Variants in PWWP2A observed in about 807,000 individuals in gnomAD.
PWWP2A encodes the protein PWWP domain-containing protein 2A.
A neutral mutation model predicts 48.5 loss-of-function variants in PWWP2A; 18 were observed. The ratio of observed to expected loss-of-function variants is 0.37; its 90% confidence interval spans 0.26 to 0.55. The LOEUF is 0.55. Ranked by LOEUF, PWWP2A falls within the 20% of genes least tolerant of loss-of-function variation. The pLI, the probability that PWWP2A is intolerant of heterozygous loss-of-function variation, is 0.81. For synonymous variants in PWWP2A, 396 were observed against 387.7 expected, an observed-to-expected ratio of 1.02 and a Z score of -0.25; for missense variants, 867 against 976.4, an observed-to-expected ratio of 0.89 and a Z score of 1.49.
intron 1 of PWWP2A, among the ~76,000 whole-genome samples, chr5:160,095,465 T>A (rs980592878): frequency 7.2e-5 from 11 of 152,158 alleles, no homozygotes; most frequent in African/African-American, 2.7e-4. Flanking sequence ...TTTCAGCATA[T>A]AGGTTAGCAT....
chr5:160,091,708 A>G lies in PWWP2A; in HGVS notation c.*674T>C, dbSNP rs1755081184. Reference sequence around the variant, plus strand: ...CACTGGACGAAAGACAGTGATGACTAACACCTATCCAGTCTTGACAGTTTT... The same window carrying G: ...CACTGGACGAAAGACAGTGATGACTGACACCTATCCAGTCTTGACAGTTTT... On this transcript the variant is annotated 3_prime_UTR_variant, in exon 2 of 2. Coordinates refer to ENST00000307063, the MANE Select transcript of PWWP2A (RefSeq NM_001130864.2). 1 of 985,072 alleles carries G rather than the reference A, an allele frequency of 1.0e-6. No individual in the cohort carries two copies. Among genetic ancestry groups the G allele is most frequent in the African/African-American group, 1.7e-5 (1 of 57,202 alleles). 61.0% of individuals were successfully genotyped at this position (985,072 alleles called of 1,614,324 possible). A position where few individuals can be genotyped will look rare whatever the true frequency, so the allele number is the denominator to read the frequency against.
At chr5:160,079,398 A>T (rs1754069735) in intron 3 of PWWP2A, among the ~76,000 whole-genome samples, 2 of 151,938 alleles carry the variant, frequency 1.3e-5, no homozygotes, top group South Asian at 4.1e-4. Context: ...CAAATACTAC[A>T]CACATCAAGA....
At chr5:160,107,742 G>A (rs1353493597) in intron 1 of PWWP2A, among the ~76,000 whole-genome samples, 1 of 151,770 alleles carries the variant, frequency 6.6e-6, no homozygotes, top group Non-Finnish European at 1.5e-5. Context: ...GTCCAGGCCA[G>A]GCGCGGTGGC....
chr5:160,113,503 G>C (rs755676285), intron 1 of PWWP2A, among the ~76,000 whole-genome samples: 4 of 152,178 alleles, frequency 2.6e-5, no homozygotes, highest in Non-Finnish European at 1.5e-5. Context: ...ATAACGTCAA[G>C]CATAAAATAT....
At position 160,118,870 on chromosome 5, in the gene PWWP2A, C is replaced by G; in HGVS notation, c.519G>C (p.Ala173=). 1 of 1,595,616 alleles carries G rather than the reference C, an allele frequency of 6.3e-7. No homozygotes were observed. The highest frequency in any genetic ancestry group is 1.1e-5 in the South Asian group (1 of 88,924). The change falls in exon 1 of 2, where the codon GCG becomes GCC. Residue 173 remains alanine (A), a synonymous_variant. Coordinates refer to ENST00000307063, the MANE Select transcript of PWWP2A (RefSeq NM_001130864.2). The part of the protein sequence containing the change: ...RVTLDHIIED[A]LVVSFRFGEK... The stretch of plus-strand genomic sequence containing the variant: ...CCCCGAAGCGGAACGACACGACAAG[C>G]GCGTCCTCAATGATGTGGTCCAGCG...
Position 160,119,163 on chromosome 5 carries a change from C to A in PWWP2A, c.226G>T (p.Gly76Trp). The change falls in exon 1 of 2, where the codon GGG becomes TGG. Residue 76 changes from glycine to tryptophan, a missense_variant. By Grantham distance (184) the Gly-to-Trp change is radical. This residue lies in a region of PWWP2A where 385 missense variants were observed against 396.9 expected (regional missense o/e 0.97). Transcript: ENST00000307063. Reference sequence around the variant, plus strand: ...GCCTCTGGGCTGCGGGCGAGCTCCCCCGGCGGCGGCGGTGGCGGCGGGAGC... The same window carrying A: ...GCCTCTGGGCTGCGGGCGAGCTCCCACGGCGGCGGCGGTGGCGGCGGGAGC... ...PPLPPPPPPP[G>W]ELARSPEAVG... is the part of the protein sequence containing the mutation. 1 of 1,529,490 alleles carries A rather than the reference C, an allele frequency of 6.5e-7. No homozygotes were observed. The highest frequency in any genetic ancestry group is 1.2e-5 in the South Asian group (1 of 82,166). The allele number at this position is 1,529,490 out of a possible 1,614,324, so 94.7% of individuals were successfully genotyped here. A position where few individuals can be genotyped will look rare whatever the true frequency, so the allele number is the denominator to read the frequency against.
downstream of PWWP2A, chr5:160,090,396 A>G (rs531183216): frequency 9.2e-6 from 9 of 983,076 alleles, no homozygotes; most frequent in East Asian, 6.8e-4. Context: ...TGATTGAACA[A>G]GTTCATTAAT....
intron 1 of PWWP2A, among the ~76,000 whole-genome samples, chr5:160,095,047 CAAA>C (rs70987998): frequency 0.085 from 2,520 of 29,804 alleles, 10 homozygotes; most frequent in Admixed American, 0.19. Flanking sequence ...GACTCTGTCT[CAAA>C]AAAAAAAAAA....
chr5:160,088,936 A>G (rs1486536294), downstream of PWWP2A, among the ~76,000 whole-genome samples: 4 of 152,224 alleles, frequency 2.6e-5, no homozygotes, highest in Admixed American at 2.0e-4. Flanking sequence ...ATAGGAGTGT[A>G]ACTCAATTTA....
At chr5:160,080,816 T>G in intron 2 of PWWP2A, 2 of 1,465,610 alleles carry the variant, frequency 1.4e-6, no homozygotes, top group Non-Finnish European at 1.8e-6. Flanking sequence ...CATTCGAGTT[T>G]TTTAATCCAT....
chr5:160,095,456 T>C (rs1471789176), intron 1 of PWWP2A, among the ~76,000 whole-genome samples: 1 of 152,132 alleles, frequency 6.6e-6, no homozygotes, highest in Non-Finnish European at 1.5e-5. Context: ...ACCAAATAAT[T>C]TCAGCATATA....
Position 160,069,967 on chromosome 5 carries a change from C to T in PWWP2A, c.*80-3096G>A, listed in dbSNP as rs560266304. 2.6e-5 allele frequency among the ~76,000 whole-genome samples: 4 copies of T among 152,286 alleles called. No homozygotes were observed. The South Asian group carries it at 8.3e-4, about 32-fold the overall frequency. ...TTTTCTGTATATTCCCACACTGTAT[C>T]GTAACTACTTTTCCAGTTTTCACAG... On this transcript the variant is annotated intron_variant and NMD_transcript_variant, in intron 2 of 5. Transcript: ENST00000524050.
rs59262456 is a variant in PWWP2A, at chr5:160,066,296, AT to A, written c.*236+251del. Among the ~76,000 whole-genome samples, 235 of 94,782 alleles carry A rather than the reference AT, an allele frequency of 2.5e-3. 5 individuals carry two copies. The highest frequency in any genetic ancestry group is 5.4e-3 in the East Asian group (17 of 3,168). The allele number at this position is 94,782 out of a possible 152,430, so 62.2% of individuals were successfully genotyped here. A position where few individuals can be genotyped will look rare whatever the true frequency, so the allele number is the denominator to read the frequency against. ...AGCATTATGCTAGAAAGTGGTTCTC[AT>A]TTTTTTTTTTTTTTTTTTGAGGGGG... On this transcript the variant is annotated intron_variant and NMD_transcript_variant, in intron 4 of 5. Transcript: ENST00000524050.
chr5:160,107,115 C>T (rs1665293526), intron 1 of PWWP2A, among the ~76,000 whole-genome samples: 1 of 152,138 alleles, frequency 6.6e-6, no homozygotes, highest in Admixed American at 6.6e-5. Context: ...GCATGAGCCA[C>T]CGTGACCGGC....
intron 1 of PWWP2A, among the ~76,000 whole-genome samples, chr5:160,110,734 T>A (rs543085890): frequency 1.3e-5 from 2 of 151,360 alleles, no homozygotes; most frequent in Admixed American, 1.3e-4. Context: ...AATAAAAAAA[T>A]AAAGTTCAAC....
At chr5:160,110,466 G>C (rs1317001937) in intron 1 of PWWP2A, among the ~76,000 whole-genome samples, 1 of 152,082 alleles carries the variant, frequency 6.6e-6, no homozygotes, top group Non-Finnish European at 1.5e-5. Context: ...CAGCACTTTG[G>C]GAGGCCGCGG....
intron 1 of PWWP2A, among the ~76,000 whole-genome samples, chr5:160,098,300 AG>A (rs572438966): frequency 2.7e-4 from 41 of 152,198 alleles, no homozygotes; most frequent in Non-Finnish European, 5.1e-4. Context: ...AGGGGGAAAA[AG>A]GGGAAATAAA....
chr5:160,061,329 C>T (rs546834099), downstream of PWWP2A, among the ~76,000 whole-genome samples: 54 of 152,340 alleles, frequency 3.5e-4, no homozygotes, highest in African/African-American at 1.2e-3. Context: ...CCTGCCCCAG[C>T]CAAAGGAATC....
rs2113526049 is a variant in PWWP2A, at chr5:160,092,200, G to A, written c.*182C>T. 5 of 1,328,766 alleles carry A rather than the reference G, an allele frequency of 3.8e-6. No individual in the cohort carries two copies. Among genetic ancestry groups the A allele is most frequent in the East Asian group, 5.4e-5 (2 of 37,092 alleles). The allele number at this position is 1,328,766 out of a possible 1,614,324, so 82.3% of individuals were successfully genotyped here. On this transcript the variant is annotated 3_prime_UTR_variant, in exon 2 of 2. Coordinates refer to ENST00000307063, the MANE Select transcript of PWWP2A (RefSeq NM_001130864.2). ...ATCTCACTTCCTTAACACAAAATTT[G>A]ATTATATGTTCAGTTTAAGCTCTCA...
Sources: gnomAD v4.1 joint callset for allele counts (sites outside exome capture counted in the v4.1 genomes callset) on GRCh38, gnomAD v4.1.1 for gene constraint, gnomAD v4.1.1 regional missense constraint, MANE v1.5 for transcripts, NCBI Gene and HGNC (gene_info 2026-07-23, HGNC 2026-07-21) for gene names.